ECM2: variants seen among roughly 807,000 people sequenced by gnomAD.
ECM2 encodes extracellular matrix protein 2.
In ECM2, 57 loss-of-function variants were observed where a neutral mutation model predicts 67.5. That is an observed-to-expected ratio of 0.84 (90% CI 0.68 to 1.05). ECM2 has a LOEUF of 1.05. Ranked by LOEUF, ECM2 falls within the 50% of genes least tolerant of loss-of-function variation. The pLI is 0.00. For missense variants in ECM2, 741 were observed against 822.8 expected, an observed-to-expected ratio of 0.90 and a Z score of 1.22; for synonymous variants, 258 against 294.5, an observed-to-expected ratio of 0.88 and a Z score of 1.27.
chr9:92,544,744 T>C, the ECM2 span, among the ~76,000 whole-genome samples: 3 of 149,776 alleles, frequency 2.0e-5, no homozygotes, highest in South Asian at 2.1e-4. Context: ...AGTTGGAGTT[T>C]CGCTGTTGTT....
chr9:92,521,420 C>T (rs1333274592), intron 2 of ECM2, among the ~76,000 whole-genome samples: 1 of 152,098 alleles, frequency 6.6e-6, no homozygotes, highest in African/African-American at 2.4e-5. Flanking sequence ...TTTTCCCAAT[C>T]ATGTTGTAAG....
the ECM2 span, among the ~76,000 whole-genome samples, chr9:92,557,489 C>T: frequency 6.6e-6 from 1 of 152,170 alleles, no homozygotes; most frequent in Non-Finnish European, 1.5e-5. Flanking sequence ...AACATAATCC[C>T]AGACTTCTTG....
chr9:92,509,110 G>C (rs1187219994), intron 6 of ECM2, among the ~76,000 whole-genome samples: 1 of 151,586 alleles, frequency 6.6e-6, no homozygotes, highest in African/African-American at 2.4e-5. Flanking sequence ...CAGAAGAGGG[G>C]CCATTTCCAG....
chr9:92,541,422 A>T (rs62572513), upstream of ECM2, among the ~76,000 whole-genome samples: 1 of 48,770 alleles, frequency 2.1e-5, no homozygotes, highest in Non-Finnish European at 4.3e-5. Flanking sequence ...CCCCCTCCCC[A>T]CCCCGCCCAC....
At chr9:92,546,346 T>TGTGGAAGCA in the ECM2 span, among the ~76,000 whole-genome samples, 3 of 152,174 alleles carry the variant, frequency 2.0e-5, no homozygotes, top group Non-Finnish European at 2.9e-5. Context: ...CCTTCCACTG[T>TGTGGAAGCA]GTGGAAGCTT....
At chr9:92,505,766 AT>A (rs1846967210) in intron 6 of ECM2, 76 bp from the exon 7 acceptor site, 2 of 1,226,026 alleles carry the variant, frequency 1.6e-6, no homozygotes, top group Non-Finnish European at 2.3e-6. Flanking sequence ...TTGAAATGTC[AT>A]GTGAAATGGC....
At chr9:92,552,326 G>A in the ECM2 span, among the ~76,000 whole-genome samples, 10 of 151,886 alleles carry the variant, frequency 6.6e-5, no homozygotes, top group South Asian at 2.1e-4. Flanking sequence ...TATCTTTTTC[G>A]AATAATGATT....
downstream of ECM2, among the ~76,000 whole-genome samples, chr9:92,494,527 C>T (rs1846263740): frequency 6.6e-6 from 1 of 152,272 alleles, no homozygotes; most frequent in East Asian, 1.9e-4. Context: ...ACTCTTGAGT[C>T]TAACAGTTAT....
intron 3 of ECM2, among the ~76,000 whole-genome samples, 155 bp from the exon 4 acceptor site, chr9:92,515,358 G>A (rs1847637638): frequency 6.6e-6 from 1 of 152,098 alleles, no homozygotes; most frequent in African/African-American, 2.4e-5. Context: ...TGCTTAAAAA[G>A]TTTTAATAGT....
chr9:92,502,946 T>C (rs1459785176), intron 7 of ECM2, among the ~76,000 whole-genome samples: 1 of 151,638 alleles, frequency 6.6e-6, no homozygotes, highest in Non-Finnish European at 1.5e-5. Context: ...TGACTGAGAC[T>C]ACAGGTATGC....
upstream of ECM2, among the ~76,000 whole-genome samples, chr9:92,538,274 C>G (rs1849236969): frequency 6.6e-6 from 1 of 152,130 alleles, no homozygotes; most frequent in Admixed American, 6.5e-5. Flanking sequence ...GCATAGTTGT[C>G]CATGCTATAC....
chr9:92,528,547 ACAAAG>A (rs3078374), intron 1 of ECM2, among the ~76,000 whole-genome samples: 57,225 of 151,620 alleles, frequency 0.38, 13,454 homozygotes, highest in African/African-American at 0.66. Context: ...AAAGGGGAAA[ACAAAG>A]CAAAACAAAA....
intron 9 of ECM2, among the ~76,000 whole-genome samples, chr9:92,497,624 C>CAA (rs1315903167): frequency 4.4e-4 from 36 of 81,616 alleles, no homozygotes; most frequent in African/African-American, 1.6e-3. Context: ...AACTCTGTCT[C>CAA]AAAAAAAAAA....
intron 2 of ECM2, among the ~76,000 whole-genome samples, chr9:92,519,772 G>A (rs1346324274): frequency 2.0e-5 from 3 of 152,158 alleles, no homozygotes; most frequent in Admixed American, 6.5e-5. Context: ...ATATTTGGCA[G>A]TGGATTCTTA....
chr9:92,533,638 A>G lies in ECM2; in HGVS notation c.-28+2295T>C, dbSNP rs536250142. Among the ~76,000 whole-genome samples the G allele has an allele frequency of 4.6e-5, 7 of 152,030 alleles. No individual in the cohort carries two copies. In the South Asian group the frequency reaches 1.5e-3, roughly 32 times the overall value. On this transcript the variant is annotated intron_variant, in intron 1 of 9. Coordinates refer to ENST00000344604, the MANE Select transcript of ECM2 (RefSeq NM_001393.4). ...GACTTGCCTTGTCTGCCATTATCAG[A>G]AGGAGAAGCTCCCTCAGATTCCTTT... is the stretch of plus-strand genomic sequence containing the variant.
chr9:92,546,335 C>T, the ECM2 span, among the ~76,000 whole-genome samples: 4 of 152,156 alleles, frequency 2.6e-5, no homozygotes, highest in African/African-American at 9.7e-5. Flanking sequence ...ACCAGAGGTC[C>T]CCTTCCACTG....
At chr9:92,501,182 A>G (rs1846650614) in intron 8 of ECM2, 129 bp from the exon 9 acceptor site, 2 of 911,786 alleles carry the variant, frequency 2.2e-6, no homozygotes, top group East Asian at 2.6e-5. Context: ...TGATGATTCC[A>G]AATAGGAACT....
the ECM2 span, among the ~76,000 whole-genome samples, chr9:92,543,288 A>G: frequency 6.6e-6 from 1 of 152,024 alleles, no homozygotes; most frequent in Non-Finnish European, 1.5e-5. Context: ...CCTGGCCAAC[A>G]TGGTGAAACC....
Position 92,501,011 on chromosome 9 carries a change from G to C in ECM2, c.1647C>G (p.His549Gln), listed in dbSNP as rs557095017. The change falls in exon 9 of 10, where the codon CAC (histidine) becomes CAG (glutamine). Residue 549 changes from histidine to glutamine, a missense_variant. Physicochemically the swap from His to Gln is conservative, Grantham distance 24. Coordinates refer to ENST00000344604, the MANE Select transcript of ECM2 (RefSeq NM_001393.4). ...SIDLSYNKLY[H>Q]VPSYLPKSLL... Reference sequence around the variant, plus strand: ...AGGACTTGGGTAGATAGGACGGGACGTGATAGAGCTTGTTGTAGGAGAGAT... The same window carrying C: ...AGGACTTGGGTAGATAGGACGGGACCTGATAGAGCTTGTTGTAGGAGAGAT... 4 of 1,614,044 alleles carry C rather than the reference G, an allele frequency of 2.5e-6. No homozygotes were observed. Among genetic ancestry groups the C allele is most frequent in the Non-Finnish European group, 3.4e-6 (4 of 1,180,028 alleles).
Sources: gnomAD v4.1 joint callset for allele counts (sites outside exome capture counted in the v4.1 genomes callset) on GRCh38, gnomAD v4.1.1 for gene constraint, MANE v1.5 for transcripts, NCBI Gene and HGNC (gene_info 2026-07-23, HGNC 2026-07-21) for gene names.